Variants in SUCLG1 observed in about 807,000 individuals in gnomAD.
The protein encoded by SUCLG1 is succinate--CoA ligase [ADP/GDP-forming] subunit alpha, mitochondrial.
In SUCLG1, 26 loss-of-function variants were observed where a neutral mutation model predicts 37.3. The observed-to-expected ratio is 0.70, with a 90% CI of 0.51 to 0.97. The LOEUF (loss-of-function observed/expected upper bound fraction) is 0.97. SUCLG1 is among the 50% of genes least tolerant of loss of function. The probability of loss-of-function intolerance (pLI) is 0.00; values close to 1 mark genes in which losing one functional copy is unlikely to be tolerated. For missense variants in SUCLG1, 433 were observed against 432.9 expected, an observed-to-expected ratio of 1.00 and a Z score of 0.00; for synonymous variants, 163 against 155.6, an observed-to-expected ratio of 1.05 and a Z score of -0.36.
At chr2:84,424,878 A>C (rs1672511022) in intron 8 of SUCLG1, among the ~76,000 whole-genome samples, 1 of 152,172 alleles carries the variant, frequency 6.6e-6, no homozygotes, top group Admixed American at 6.5e-5. Context: ...CCAAAAACAA[A>C]CCAAAAAAAT....
At chr2:84,457,766 T>C (rs1299342789) in intron 1 of SUCLG1, among the ~76,000 whole-genome samples, 1 of 152,162 alleles carries the variant, frequency 6.6e-6, no homozygotes, top group Non-Finnish European at 1.5e-5. Context: ...TCCAATATAC[T>C]TCATTCTTGG....
At chr2:84,424,993 C>T (rs1396037662) in intron 8 of SUCLG1, among the ~76,000 whole-genome samples, 1 of 152,148 alleles carries the variant, frequency 6.6e-6, no homozygotes, top group African/African-American at 2.4e-5. Context: ...TCTTGTTACT[C>T]AGCCTCCAAC....
In SUCLG1 at chr2:84,425,555, G is replaced by A; in HGVS notation, c.874C>T (p.Pro292Ser). Residue 292 changes from proline (P) to serine (S), a missense_variant, in exon 8 of 9, where the codon CCT (proline) becomes TCT (serine). Pro to Ser is a moderately conservative substitution (Grantham distance 74). Transcript: ENST00000393868. ...GCATGACCCATTCTTCTCCCAGGAG[G>A]AGCAGTTAAACCAGCAATGAAGGAC... is the stretch of plus-strand genomic sequence containing the variant. ...VVSFIAGLTA[P>S]PGRRMGHAGA... 1 of 1,614,194 alleles carries A rather than the reference G, an allele frequency of 6.2e-7. No homozygotes were observed. The highest frequency in any genetic ancestry group is 8.5e-7 in the Non-Finnish European group (1 of 1,180,036).
intron 1 of SUCLG1, among the ~76,000 whole-genome samples, chr2:84,455,320 C>A (rs1027569461): frequency 9.2e-5 from 14 of 152,040 alleles, no homozygotes; most frequent in Non-Finnish European, 1.9e-4. Flanking sequence ...CATGGAGAAA[C>A]CCCGTCTCTA....
At chr2:84,451,110 C>T (rs1035426977) in intron 1 of SUCLG1, among the ~76,000 whole-genome samples, 2 of 152,178 alleles carry the variant, frequency 1.3e-5, no homozygotes, top group Admixed American at 1.3e-4. Context: ...CCACCCTTGC[C>T]AGTGCTGCAT....
chr2:84,423,770 T>C lies in SUCLG1; in HGVS notation c.1017A>G (p.Glu339=). The C allele has an allele frequency of 6.2e-7, 1 of 1,606,484 alleles. No individual in the cohort carries two copies. The highest frequency in any genetic ancestry group is 8.5e-7 in the Non-Finnish European group (1 of 1,175,762). The change falls in exon 9 of 9, where the codon GAA becomes GAG. Residue 339 remains glutamate (E), a splice_region_variant and synonymous_variant. Coordinates refer to ENST00000393868, the MANE Select transcript of SUCLG1 (RefSeq NM_003849.4). ...TTCATAGCATCTTCCTCTTTTCAAA[T>C]TCCTTCAGAAACAGAAGAGAGAGAG... ...PAQLGTTIYK[E]FEKRKML
In SUCLG1 at chr2:84,425,331, G is replaced by C. The variant is rs909784004; in HGVS notation, c.1014+84C>G. On this transcript the variant is annotated intron_variant, in intron 8 of 8. Transcript: ENST00000393868. Reference sequence around the variant, plus strand: ...AAACCAATTAAGTCCCAGAAGCAAAGGCCATGATTTCCAGGTATCCAGTGT... The same window carrying C: ...AAACCAATTAAGTCCCAGAAGCAAACGCCATGATTTCCAGGTATCCAGTGT... 9.1e-6 allele frequency: 14 copies of C among 1,542,174 alleles called. No individual in the cohort carries two copies. In the African/African-American group the frequency reaches 1.9e-4, roughly 21 times the overall value.
intron 3 of SUCLG1, among the ~76,000 whole-genome samples, chr2:84,442,046 G>A (rs983177162): frequency 6.6e-6 from 1 of 151,942 alleles, no homozygotes; most frequent in Non-Finnish European, 1.5e-5. Context: ...CCCTTTGTAA[G>A]AGCAGAACGG....
intron 7 of SUCLG1, 99 bp from the exon 8 acceptor site, chr2:84,425,702 C>A: frequency 7.5e-7 from 1 of 1,337,084 alleles, no homozygotes; most frequent in Non-Finnish European, 1.1e-6. Context: ...ATGGCTTGGG[C>A]AGGGGAAAGC....
intron 7 of SUCLG1, chr2:84,425,819 G>A: frequency 1.7e-6 from 1 of 591,038 alleles, no homozygotes; most frequent in Non-Finnish European, 3.0e-6. Flanking sequence ...ACAACACTGT[G>A]CCAATGTCCG....
rs749304121 is a variant in SUCLG1, at chr2:84,425,618, A to G, written c.826-15T>C. On this transcript the variant is annotated splice_polypyrimidine_tract_variant and intron_variant, in intron 7 of 8. Coordinates refer to ENST00000393868, the MANE Select transcript of SUCLG1 (RefSeq NM_003849.4). ...GAATTTGGACCCTAGAAAGAAAGTA[A>G]TATTTTAAATGCTCTAATGAAGAAG... is the stretch of plus-strand genomic sequence containing the variant. The G allele has an allele frequency of 8.7e-6, 14 of 1,613,958 alleles. No homozygotes were observed. The highest frequency in any genetic ancestry group is 2.2e-5 in the East Asian group (1 of 44,888).
intron 1 of SUCLG1, among the ~76,000 whole-genome samples, chr2:84,455,897 A>T (rs1673012394): frequency 6.6e-6 from 1 of 152,164 alleles, no homozygotes; most frequent in Admixed American, 6.5e-5. Context: ...ATGAAATGAA[A>T]TTGTTGCCCT....
chr2:84,431,309 A>G (rs747284858), intron 7 of SUCLG1, among the ~76,000 whole-genome samples, 199 bp downstream of exon 7: 1 of 152,172 alleles, frequency 6.6e-6, no homozygotes, highest in Non-Finnish European at 1.5e-5. Flanking sequence ...TGGGGAGGAG[A>G]GTTCAGAATA....
chr2:84,432,438 T>G (rs889191122), intron 6 of SUCLG1: 1 of 152,218 alleles, frequency 6.6e-6, no homozygotes, highest in Admixed American at 6.5e-5. Flanking sequence ...ACACGTTAGA[T>G]CTGTCATTTC....
intron 8 of SUCLG1, among the ~76,000 whole-genome samples, chr2:84,424,834 T>TA (rs1196312920): frequency 1.3e-5 from 2 of 151,840 alleles, no homozygotes; most frequent in African/African-American, 4.8e-5. Context: ...AATGTCCTAT[T>TA]AAAAAAGGAA....
At chr2:84,426,139 T>C (rs577045983) in intron 7 of SUCLG1, 1 of 167,184 alleles carries the variant, frequency 6.0e-6, no homozygotes, top group Non-Finnish European at 1.3e-5. Context: ...ATCTATGAAA[T>C]GAAATGGCCA....
intron 5 of SUCLG1, among the ~76,000 whole-genome samples, chr2:84,438,040 G>A (rs996525887): frequency 1.3e-5 from 2 of 152,188 alleles, no homozygotes; most frequent in Non-Finnish European, 2.9e-5. Flanking sequence ...TAGATTACTG[G>A]TTGTCAGGAA....
At position 84,454,464 on chromosome 2, in the gene SUCLG1, G is replaced by A. The variant is rs911705218; in HGVS notation, c.97+4709C>T. Among the ~76,000 whole-genome samples, 6 of 152,142 alleles carry A rather than the reference G, an allele frequency of 3.9e-5. No homozygotes were observed. The East Asian group carries it at 5.8e-4, about 15-fold the overall frequency. ...ATATCCCTAAGAGCTTTTTATTAGC[G>A]TTATTATTACCGATGCAGAATGAGC... On this transcript the variant is annotated intron_variant, in intron 1 of 8. Coordinates refer to ENST00000393868, the MANE Select transcript of SUCLG1 (RefSeq NM_003849.4).
intron 7 of SUCLG1, among the ~76,000 whole-genome samples, chr2:84,427,663 T>C (rs79302600): frequency 2.5e-3 from 377 of 152,340 alleles, no homozygotes; most frequent in African/African-American, 8.6e-3. Context: ...ACAAATACTA[T>C]CAACTGTTTC....
Sources: gnomAD v4.1 joint callset for allele counts (sites outside exome capture counted in the v4.1 genomes callset) on GRCh38, gnomAD v4.1.1 for gene constraint, MANE v1.5 for transcripts, NCBI Gene and HGNC (gene_info 2026-07-23, HGNC 2026-07-21) for gene names.